The following SYNE2 variants were observed in gnomAD, a reference collection of about 807,000 sequenced individuals.
SYNE2 encodes the protein spectrin repeat containing nuclear envelope protein 2.
A neutral mutation model predicts 856.3 loss-of-function variants in SYNE2; 431 were observed. That is an observed-to-expected ratio of 0.50 (90% confidence interval 0.47 to 0.55). The LOEUF (loss-of-function observed/expected upper bound fraction) is 0.55, where lower values mean the gene tolerates loss of function less well. Ranked by LOEUF, SYNE2 falls within the 20% of genes least tolerant of loss-of-function variation. The probability of loss-of-function intolerance (pLI) is 0.00; values close to 1 mark genes in which losing one functional copy is unlikely to be tolerated. For synonymous variants in SYNE2, 2,923 were observed against 2,872.3 expected (o/e 1.02, Z -0.56); for missense variants, 8,129 against 8,023.2 (o/e 1.01, Z -0.50).
At chr14:64,063,003 C>A in intron 50 of SYNE2, 108 bp downstream of exon 50, 2 of 1,274,880 alleles carry the variant, frequency 1.6e-6, no homozygotes, top group Non-Finnish European at 1.1e-6. Context: ...GAAATCTTCA[C>A]AGTGAGTTAA....
At chr14:63,918,362 C>T (rs2095556650) in intron 2 of SYNE2, among the ~76,000 whole-genome samples, 1 of 152,148 alleles carries the variant, frequency 6.6e-6, no homozygotes, top group African/African-American at 2.4e-5. Flanking sequence ...TGGAGTAACT[C>T]CCATTTTTCT....
At chr14:63,777,373 A>G (rs143794500) in intron 1 of SYNE2, among the ~76,000 whole-genome samples, 1 of 152,306 alleles carries the variant, frequency 6.6e-6, no homozygotes, top group East Asian at 1.9e-4. Context: ...TACTTCTCAT[A>G]CAAACTGGTA....
At chr14:63,965,424 G>A (rs1479703133) in intron 10 of SYNE2, among the ~76,000 whole-genome samples, 1 of 152,220 alleles carries the variant, frequency 6.6e-6, no homozygotes, top group East Asian at 1.9e-4. Flanking sequence ...GATTTGAATG[G>A]AAGTGTAGCT....
At chr14:64,185,997 A>G (rs2098487782) in intron 96 of SYNE2, among the ~76,000 whole-genome samples, 1 of 152,254 alleles carries the variant, frequency 6.6e-6, no homozygotes, top group Non-Finnish European at 1.5e-5. Flanking sequence ...TTGCCACAAT[A>G]GCAGCAATGC....
chr14:63,949,974 CCTT>C lies in SYNE2; in HGVS notation c.562_564del (p.Leu189del). The C allele has an allele frequency of 6.2e-7, 1 of 1,614,050 alleles. No homozygotes were observed. Among genetic ancestry groups the C allele is most frequent in the Non-Finnish European group, 8.5e-7 (1 of 1,179,980 alleles). On this transcript the variant is annotated inframe_deletion, in exon 7 of 116. Coordinates refer to ENST00000555002, the MANE Select transcript of SYNE2 (RefSeq NM_182914.3). Reference sequence around the variant, plus strand: ...GATGGCAAATGTCTGCAAGAAAGGCCCTTCTTTTGTGGGCTCAGGAACAATGCG... The same window carrying C: ...GATGGCAAATGTCTGCAAGAAAGGCCCTTTTGTGGGCTCAGGAACAATGCG...
chr14:64,113,025 G>GAC (rs143313918), intron 65 of SYNE2: 4 of 984,980 alleles, frequency 4.1e-6, no homozygotes, highest in Admixed American at 6.2e-5. Flanking sequence ...AAATGTTTCG[G>GAC]ACACACACAC....
At chr14:63,834,901 G>A (rs1026510933) in intron 1 of SYNE2, among the ~76,000 whole-genome samples, 1 of 152,118 alleles carries the variant, frequency 6.6e-6, no homozygotes, top group Non-Finnish European at 1.5e-5. Flanking sequence ...GCCTCCCAAA[G>A]TGCTGGGATT....
At chr14:63,981,290 A>C in intron 16 of SYNE2, 117 bp downstream of exon 16, 1 of 914,218 alleles carries the variant, frequency 1.1e-6, no homozygotes, top group South Asian at 1.5e-5. Flanking sequence ...GTTTTGGAAA[A>C]TTCTTCAAGG....
At chr14:64,224,403 C>T in intron 113 of SYNE2, 58 bp from the exon 114 acceptor site, 1 of 1,287,970 alleles carries the variant, frequency 7.8e-7, no homozygotes, top group Non-Finnish European at 1.1e-6. Flanking sequence ...TGAGCTATAT[C>T]ATGAAGAATA....
At chr14:64,018,433 G>A (rs1594897902) in intron 34 of SYNE2, among the ~76,000 whole-genome samples, 1 of 152,092 alleles carries the variant, frequency 6.6e-6, no homozygotes, top group Admixed American at 6.5e-5. Flanking sequence ...TAGTAGAGAC[G>A]GGGTTTCACT....
At chr14:64,152,776 C>CGTT in intron 85 of SYNE2, 60 bp downstream of exon 85, 1 of 1,605,386 alleles carries the variant, frequency 6.2e-7, no homozygotes, top group Non-Finnish European at 8.5e-7. Context: ...CCTTATTTGT[C>CGTT]GTTGTAGTTG....
In SYNE2 at chr14:64,211,997, A is replaced by G; in HGVS notation, c.18760A>G (p.Arg6254Gly). The change falls in exon 104 of 116, where the codon AGG becomes GGG. Residue 6254 changes from arginine (R) to glycine (G), a missense_variant. Around this residue, in one of 3 missense-constraint regions of SYNE2, gnomAD observed 5,410 missense variants for 5,284.8 expected, o/e 1.02. Transcript: ENST00000555002. ...CCAGAGGGAAGAATTTGAGGGCACC[A>G]GGGAGAGCATTCTGGTGTGGCTCAC... ...TNQREEFEGT[R>G]ESILVWLTEM... is the part of the protein sequence containing the mutation. 6.2e-7 allele frequency: 1 copy of G among 1,614,200 alleles called. No individual in the cohort carries two copies. Among genetic ancestry groups the G allele is most frequent in the Non-Finnish European group, 8.5e-7 (1 of 1,180,034 alleles).
rs1889796253 is a variant in SYNE2, at chr14:63,834,918, A to G, written c.-304-17583A>G. On this transcript the variant is annotated intron_variant, in intron 1 of 23. Transcript: ENST00000674003. ...CTCCCAAAGTGCTGGGATTACAGGCATGAGTCACCACGCCTGGCCACATTT... is the reference window on the plus strand; with the variant it reads ...CTCCCAAAGTGCTGGGATTACAGGCGTGAGTCACCACGCCTGGCCACATTT... Among the ~76,000 whole-genome samples, 3 of 152,152 alleles carry G rather than the reference A, an allele frequency of 2.0e-5. No homozygotes were observed. In the South Asian group the frequency reaches 6.2e-4, roughly 32 times the overall value.
intron 2 of SYNE2, among the ~76,000 whole-genome samples, chr14:63,940,109 G>T (rs1285367736): frequency 1.5e-5 from 2 of 131,956 alleles, no homozygotes; most frequent in Non-Finnish European, 1.6e-5. Context: ...ACAGAGTCTT[G>T]CCGTGTTGAC....
At chr14:63,811,417 G>T (rs1273774879) in intron 1 of SYNE2, among the ~76,000 whole-genome samples, 1 of 152,016 alleles carries the variant, frequency 6.6e-6, no homozygotes, top group Non-Finnish European at 1.5e-5. Context: ...ACCATGCCTG[G>T]CTAAATTTTT....
In SYNE2 at chr14:64,209,594, A is replaced by C. The variant is rs766100547; in HGVS notation, c.18540+16A>C. On this transcript the variant is annotated intron_variant, in intron 102 of 115. Coordinates refer to ENST00000555002, the MANE Select transcript of SYNE2 (RefSeq NM_182914.3). ...GAGGTTTGAGGTAAACACCTTCTCC[A>C]TCCCGGTCTCCTGATCATAACCAAG... The C allele has an allele frequency of 1.3e-5, 21 of 1,613,510 alleles. No individual in the cohort carries two copies. The highest frequency in any genetic ancestry group is 1.6e-5 in the Non-Finnish European group (19 of 1,179,956).
At chr14:63,916,409 A>C (rs965101251) in intron 2 of SYNE2, among the ~76,000 whole-genome samples, 4 of 152,158 alleles carry the variant, frequency 2.6e-5, no homozygotes, top group African/African-American at 9.7e-5. Context: ...TCATCTTTGG[A>C]TATCACTTCC....
In SYNE2 at chr14:64,129,906, G is replaced by A. The variant is rs374778697; in HGVS notation, c.14139+5G>A. The A allele has an allele frequency of 2.8e-4, 451 of 1,614,036 alleles. No individual in the cohort carries two copies. The highest frequency in any genetic ancestry group is 3.4e-4 in the Non-Finnish European group (402 of 1,180,032). On this transcript the variant is annotated splice_donor_5th_base_variant and intron_variant, in intron 75 of 115. Transcript: ENST00000555002. ...CAGGAGGTTTACAAATTAGAGGTAT[G>A]CCTGAGCAGAAAACATTGACTCAGC... is the stretch of plus-strand genomic sequence containing the variant.
chr14:63,773,178 T>G (rs1475565845), intron 1 of SYNE2, among the ~76,000 whole-genome samples: 1 of 152,156 alleles, frequency 6.6e-6, no homozygotes, highest in East Asian at 1.9e-4. Flanking sequence ...TATAAATTTA[T>G]TTAAATGCTA....
Sources: allele counts gnomAD v4.1 joint callset (sites outside exome capture counted in the v4.1 genomes callset), GRCh38; gene constraint gnomAD v4.1.1; regional missense constraint gnomAD v4.1.1; transcripts MANE v1.5; gene names NCBI Gene and HGNC (gene_info 2026-07-23, HGNC 2026-07-21).